Variants in CLIC4 observed in about 807,000 individuals in gnomAD.
CLIC4 encodes the protein chloride intracellular channel protein 4.
In CLIC4, 13 loss-of-function variants were observed where a neutral mutation model predicts 24.6. That is an observed-to-expected ratio of 0.53 (90% CI 0.34 to 0.84). The LOEUF (loss-of-function observed/expected upper bound fraction) is 0.84. Ranked by LOEUF, CLIC4 falls within the 40% of genes least tolerant of loss-of-function variation. The pLI, the probability that CLIC4 is intolerant of heterozygous loss-of-function variation, is 0.01. For missense variants in CLIC4, 227 were observed against 301.7 expected, an observed-to-expected ratio of 0.75 and a Z score of 1.83; for synonymous variants, 104 against 111.3, an observed-to-expected ratio of 0.93 and a Z score of 0.41.
chr1:24,820,067 G>GTATATATATATATATATATATATA (rs751126014), intron 3 of CLIC4, among the ~76,000 whole-genome samples: 4 of 36,468 alleles, frequency 1.1e-4, no homozygotes, highest in Admixed American at 4.7e-4. Flanking sequence ...AAAAAAGTAT[G>GTATATATATATATATATATATATA]TATATATATA....
At chr1:24,835,312 C>G (rs1462694012) in intron 4 of CLIC4, among the ~76,000 whole-genome samples, 1 of 152,210 alleles carries the variant, frequency 6.6e-6, no homozygotes, top group Admixed American at 6.5e-5. Context: ...CCTGTAATCC[C>G]AGCACTTGGG....
chr1:24,827,903 T>G (rs898391053), intron 4 of CLIC4, among the ~76,000 whole-genome samples: 6 of 152,340 alleles, frequency 3.9e-5, no homozygotes, highest in Admixed American at 2.6e-4. Context: ...CAGAGTTCTC[T>G]CTGGGGAAAA....
At chr1:24,829,177 CT>C (rs1434449825) in intron 4 of CLIC4, among the ~76,000 whole-genome samples, 6 of 152,108 alleles carry the variant, frequency 3.9e-5, no homozygotes, top group African/African-American at 1.4e-4. Context: ...GTAGACAAGT[CT>C]GATTAGTTTT....
At chr1:24,810,484 T>A (rs1003673007) in intron 2 of CLIC4, among the ~76,000 whole-genome samples, 1 of 152,174 alleles carries the variant, frequency 6.6e-6, no homozygotes, top group Non-Finnish European at 1.5e-5. Flanking sequence ...CCCTTTGTAC[T>A]CTTAAATTAT....
chr1:24,757,832 A>G (rs1035999399), intron 1 of CLIC4, among the ~76,000 whole-genome samples: 2 of 151,758 alleles, frequency 1.3e-5, no homozygotes, highest in African/African-American at 2.4e-5. Flanking sequence ...CGCTGGTGCA[A>G]TCACGGCTCA....
At chr1:24,748,971 C>T (rs1638741274) in intron 1 of CLIC4, among the ~76,000 whole-genome samples, 1 of 152,074 alleles carries the variant, frequency 6.6e-6, no homozygotes, top group South Asian at 2.1e-4. Flanking sequence ...CCTGTAATCC[C>T]AGCCTTTTGG....
chr1:24,837,272 T>G (rs1274655766), intron 4 of CLIC4, among the ~76,000 whole-genome samples: 2 of 152,186 alleles, frequency 1.3e-5, no homozygotes, highest in Admixed American at 6.5e-5. Flanking sequence ...AAATGATTTT[T>G]GGAGGATATT....
intron 1 of CLIC4, among the ~76,000 whole-genome samples, chr1:24,747,682 C>T (rs1176253230): frequency 1.3e-5 from 2 of 151,960 alleles, no homozygotes; most frequent in Non-Finnish European, 2.9e-5. Context: ...AAAAGTGCAT[C>T]CATGAATAAT....
At chr1:24,774,034 G>T (rs1639102758) in intron 1 of CLIC4, among the ~76,000 whole-genome samples, 2 of 152,132 alleles carry the variant, frequency 1.3e-5, no homozygotes, top group Admixed American at 6.5e-5. Context: ...GTGCAGTGGT[G>T]CGATCTTGGC....
intron 4 of CLIC4, among the ~76,000 whole-genome samples, chr1:24,837,897 C>T (rs1387520305): frequency 6.6e-6 from 1 of 152,122 alleles, no homozygotes; most frequent in Non-Finnish European, 1.5e-5. Flanking sequence ...TTCCTTAGGG[C>T]TTTCTCTAGG....
intron 1 of CLIC4, among the ~76,000 whole-genome samples, chr1:24,756,900 TG>T (rs201415518): frequency 0.03 from 4,461 of 150,264 alleles, 251 homozygotes; most frequent in African/African-American, 0.1. Context: ...TTTTTTTTAA[TG>T]TTTTTTTTTT....
rs189140188 is a variant in CLIC4, at chr1:24,791,941, C to T, written c.73-5801C>T. On this transcript the variant is annotated intron_variant, in intron 1 of 5. Coordinates refer to ENST00000374379, the MANE Select transcript of CLIC4 (RefSeq NM_013943.3). ...GTGGGCGCCTGTACTCCCAGCTGCT[C>T]GGGAGGCTGAGGCAGGAGAATGGCC... Among the ~76,000 whole-genome samples the T allele has an allele frequency of 3.0e-4, 45 of 150,588 alleles. 2 individuals are homozygous for T. In the South Asian group the frequency reaches 9.2e-3, roughly 31 times the overall value.
chr1:24,827,856 G>A (rs908408407), intron 4 of CLIC4, among the ~76,000 whole-genome samples: 8 of 151,832 alleles, frequency 5.3e-5, no homozygotes, highest in African/African-American at 1.9e-4. Flanking sequence ...CTTAACTACA[G>A]CATTTAGTAA....
intron 2 of CLIC4, 33 bp from the exon 3 acceptor site, chr1:24,814,061 T>C (rs772595869): frequency 6.2e-7 from 1 of 1,611,556 alleles, no homozygotes; most frequent in Non-Finnish European, 8.5e-7. Flanking sequence ...GAGTAAAAAA[T>C]GATCTGATTT....
intron 1 of CLIC4, among the ~76,000 whole-genome samples, chr1:24,785,873 A>AAAAAAAAG (rs1639261484): frequency 6.6e-6 from 1 of 150,636 alleles, no homozygotes; most frequent in Admixed American, 6.6e-5. Flanking sequence ...AAAAAAAAAA[A>AAAAAAAAG]AAAGAAAAGA....
rs891748429 is a variant in CLIC4, at chr1:24,843,252, G to A, written c.*2315G>A. On this transcript the variant is annotated 3_prime_UTR_variant, in exon 6 of 6. Transcript: ENST00000374379. The stretch of plus-strand genomic sequence containing the variant: ...GAAATTGGTAAATGGACAAAAGCTA[G>A]CTAGTAAAAAGGACGACCCAGCAAC... 4 of 152,164 alleles carry A rather than the reference G, an allele frequency of 2.6e-5. No homozygotes were observed. The highest frequency in any genetic ancestry group is 6.5e-5 in the Admixed American group (1 of 15,278). The allele number at this position is 152,164 out of a possible 1,614,324, so 9.4% of individuals were successfully genotyped here.
At chr1:24,779,509 C>T (rs984505308) in intron 1 of CLIC4, among the ~76,000 whole-genome samples, 23 of 152,066 alleles carry the variant, frequency 1.5e-4, no homozygotes, top group African/African-American at 5.3e-4. Flanking sequence ...CCTACCTCTC[C>T]CCAGATCTGT....
intron 2 of CLIC4, among the ~76,000 whole-genome samples, chr1:24,812,870 C>T (rs1027200147): frequency 6.6e-6 from 1 of 151,920 alleles, no homozygotes; most frequent in South Asian, 2.1e-4. Context: ...AGGTGCATGC[C>T]ACCATGCCCA....
At chr1:24,754,641 A>G (rs1638819325) in intron 1 of CLIC4, among the ~76,000 whole-genome samples, 1 of 152,146 alleles carries the variant, frequency 6.6e-6, no homozygotes, top group Non-Finnish European at 1.5e-5. Flanking sequence ...TTGTCCAAGG[A>G]TGATTTAAGA....
Sources: allele counts gnomAD v4.1 joint callset (sites outside exome capture counted in the v4.1 genomes callset), GRCh38; gene constraint gnomAD v4.1.1; transcripts MANE v1.5; gene names NCBI Gene and HGNC (gene_info 2026-07-23, HGNC 2026-07-21).